CDH15: variants seen among roughly 807,000 people sequenced by gnomAD.
The protein encoded by CDH15 is cadherin-15.
In CDH15, 73 loss-of-function variants were observed where a neutral mutation model predicts 69.4. The ratio of observed to expected loss-of-function variants is 1.05; its 90% CI spans 0.87 to 1.28. CDH15 has a LOEUF of 1.28. Ranked by LOEUF, CDH15 falls within the 50% of genes most tolerant of loss-of-function variation. The pLI is 0.00. For missense variants in CDH15, 1,343 were observed against 1,133.6 expected, an observed-to-expected ratio of 1.18 and a Z score of -2.65; for synonymous variants, 624 against 507.7, an observed-to-expected ratio of 1.23 and a Z score of -3.08.
At chr16:89,181,443 C>T (rs1464434054) in intron 3 of CDH15, among the ~76,000 whole-genome samples, 5 of 151,966 alleles carry the variant, frequency 3.3e-5, no homozygotes, top group African/African-American at 7.3e-5. Flanking sequence ...GAGGCCTTGT[C>T]TCAACAAAAG....
chr16:89,189,326 C>T (rs908316739), intron 7 of CDH15, among the ~76,000 whole-genome samples: 1 of 136,742 alleles, frequency 7.3e-6, no homozygotes, highest in Non-Finnish European at 1.6e-5. Flanking sequence ...CACACACATG[C>T]CGGCACACAC....
In CDH15 at chr16:89,179,547, CA is replaced by C. The variant is rs1265848324; in HGVS notation, c.176del (p.Lys59SerfsTer62). ...CCCCGATCAGCGTATCCGAGAACCA[CA>C]AGCGTCTCCCCTACCCCCTGGTTCA... is the stretch of plus-strand genomic sequence containing the variant. ...IPPISVSENH[K>X]RLPYPLVQIK... On this transcript the variant is annotated frameshift_variant, in exon 2 of 14. Transcript: ENST00000289746. LOFTEE classifies it high-confidence loss of function. 10 of 1,607,256 alleles carry C rather than the reference CA, an allele frequency of 6.2e-6. No individual in the cohort carries two copies. The highest frequency in any genetic ancestry group is 8.5e-6 in the Non-Finnish European group (10 of 1,176,028).
chr16:89,187,305 T>TC, intron 5 of CDH15, 124 bp from the exon 6 acceptor site: 1 of 1,166,920 alleles, frequency 8.6e-7, no homozygotes, highest in Non-Finnish European at 1.2e-6. Flanking sequence ...CTTGGGGTCT[T>TC]CAACACCCAC....
chr16:89,177,352 G>T (rs566648233), intron 1 of CDH15, among the ~76,000 whole-genome samples: 1 of 152,184 alleles, frequency 6.6e-6, no homozygotes, highest in Non-Finnish European at 1.5e-5. Context: ...GGGGAACACA[G>T]CTCCTCACTT....
chr16:89,189,347 A>ACACAGATGCCGGCACC, intron 7 of CDH15, among the ~76,000 whole-genome samples: 1 of 149,870 alleles, frequency 6.7e-6, no homozygotes, highest in Non-Finnish European at 1.5e-5. Context: ...AGATGCCCAC[A>ACACAGATGCCGGCACC]CACAGATGCC....
In CDH15 at chr16:89,191,845, C is replaced by T. The variant is rs755877536; in HGVS notation, c.1566C>T (p.Ser522=). ...PHGAPFHFQL[S]PRLPELGRNW... ...GGGCCCCCTTCCACTTCCAGCTGAG[C>T]CCCAGGCTCCCAGAGCTCGGCCGGA... The change falls in exon 10 of 14, where the codon AGC becomes AGT. Residue 522 remains serine (S), a synonymous_variant. Transcript: ENST00000289746. The T allele has an allele frequency of 6.2e-7, 1 of 1,601,394 alleles. No individual in the cohort carries two copies. The highest frequency in any genetic ancestry group is 1.1e-5 in the South Asian group (1 of 90,542).
intron 1 of CDH15, among the ~76,000 whole-genome samples, chr16:89,177,222 C>T (rs1915276316): frequency 1.3e-5 from 2 of 152,052 alleles, no homozygotes; most frequent in African/African-American, 4.8e-5. Flanking sequence ...CCCCACAGCC[C>T]TGCAGTGGGG....
chr16:89,180,087 T>C lies in CDH15; in HGVS notation c.202-113T>C. On this transcript the variant is annotated intron_variant, in intron 2 of 13. Transcript: ENST00000289746. ...GGTACCAGGATCCGTCCTCCAGTCC[T>C]AGGAGACTTAGACCTGCCCTGCTGT... The C allele has an allele frequency of 2.5e-6, 3 of 1,182,574 alleles. No individual in the cohort carries two copies. In the South Asian group the frequency reaches 3.9e-5, roughly 15 times the overall value. 73.3% of individuals were successfully genotyped at this position (1,182,574 alleles called of 1,614,324 possible).
chr16:89,190,194 T>G (rs766531239), intron 7 of CDH15, 49 bp from the exon 8 acceptor site: 47 of 1,597,622 alleles, frequency 2.9e-5, no homozygotes, highest in Non-Finnish European at 3.9e-5. Flanking sequence ...TGCCCTCGGG[T>G]GCCCACACTT....
At chr16:89,187,742 T>C (rs1404898661) in intron 6 of CDH15, among the ~76,000 whole-genome samples, 185 bp downstream of exon 6, 1 of 152,118 alleles carries the variant, frequency 6.6e-6, no homozygotes, top group Admixed American at 6.5e-5. Flanking sequence ...TGGCAGTGTG[T>C]GAATGGAGTC....
Position 89,188,106 on chromosome 16 carries a change from A to C in CDH15, c.799A>C (p.Met267Leu). ...GCTGGGATCCCCCACCCAGTTCTTC[A>C]TGGAGGCCATAGAGGCCGTCAGCGG... ...APEFTRDEFF[M>L]EAIEAVSGVD... is the part of the protein sequence containing the mutation. Residue 267 changes from methionine to leucine, a missense_variant, in exon 7 of 14, where the codon ATG becomes CTG. Met to Leu is a conservative substitution (Grantham distance 15). Transcript: ENST00000289746. 1 of 1,611,080 alleles carries C rather than the reference A, an allele frequency of 6.2e-7. No homozygotes were observed. The highest frequency in any genetic ancestry group is 1.3e-5 in the African/African-American group (1 of 74,996).
In CDH15 at chr16:89,192,380, G is replaced by A. The variant is rs375071693; in HGVS notation, c.1791G>A (p.Ala597=). Residue 597 remains alanine (A), a synonymous_variant, in exon 11 of 14, where the codon GCG becomes GCA. Transcript: ENST00000289746. ...TGCCGGGGGCCGCAGCGCTGCTGGC[G>A]GGGGGCACAGGCCTCAGCCTGGGCG... ...VCLPGAAALL[A]GGTGLSLGAL... is the part of the protein sequence containing the mutation. 128 of 1,536,622 alleles carry A rather than the reference G, an allele frequency of 8.3e-5. No individual in the cohort carries two copies. The East Asian group carries it at 1.2e-3, about 14-fold the overall frequency.
intron 10 of CDH15, 142 bp downstream of exon 10, chr16:89,192,036 A>C (rs2151604354): frequency 6.4e-6 from 6 of 932,708 alleles, no homozygotes; most frequent in South Asian, 1.6e-5. Flanking sequence ...CCCCCCCACC[A>C]CTGCATCCTC....
intron 8 of CDH15, among the ~76,000 whole-genome samples, chr16:89,190,963 G>C (rs909473084): frequency 6.6e-6 from 1 of 151,920 alleles, no homozygotes; most frequent in Non-Finnish European, 1.5e-5. Flanking sequence ...GGTGACTGCA[G>C]CTCCCATCAT....
intron 8 of CDH15, among the ~76,000 whole-genome samples, chr16:89,191,076 G>A (rs1236781393): frequency 3.6e-5 from 5 of 138,592 alleles, no homozygotes; most frequent in Non-Finnish European, 7.8e-5. Flanking sequence ...TGTGCAAGGT[G>A]GGGGGGAGTG....
chr16:89,184,936 T>C (rs1224683428), intron 4 of CDH15, among the ~76,000 whole-genome samples: 1 of 152,126 alleles, frequency 6.6e-6, no homozygotes, highest in East Asian at 1.9e-4. Context: ...ACCACATAGG[T>C]GGCCTGGACA....
At position 89,191,379 on chromosome 16, in the gene CDH15, A is replaced by T. The variant is rs1207045518; in HGVS notation, c.1282A>T (p.Thr428Ser). ...AGACTGGCTGCAAGTGGACGCAGCC[A>T]CTGGCCGGATCCAGACCCAGCACGT... ...PEDWLQVDAA[T>S]GRIQTQHVLS... The change falls in exon 9 of 14, where the codon ACT becomes TCT. Residue 428 changes from threonine (T) to serine (S), a missense_variant. Thr to Ser is a moderately conservative substitution (Grantham distance 58, BLOSUM62 1). Transcript: ENST00000289746. 6.2e-7 allele frequency: 1 copy of T among 1,612,650 alleles called. No individual in the cohort carries two copies. The highest frequency in any genetic ancestry group is 8.5e-7 in the Non-Finnish European group (1 of 1,179,972).
Position 89,192,356 on chromosome 16 carries a change from GC to G in CDH15, c.1769del (p.Pro590ArgfsTer89), listed in dbSNP as rs1402033570. On this transcript the variant is annotated frameshift_variant, in exon 11 of 14. Coordinates refer to ENST00000289746, the MANE Select transcript of CDH15 (RefSeq NM_004933.3). LOFTEE classifies it high-confidence loss of function. ...CRCGKDGVCL[P>X]GAAALLAGGT... is the part of the protein sequence containing the mutation. ...GCTGCGGCAAGGACGGCGTCTGCCT[GC>G]CGGGGGCCGCAGCGCTGCTGGCGGG... 3.3e-6 allele frequency: 5 copies of G among 1,537,144 alleles called. No individual in the cohort carries two copies. The highest frequency in any genetic ancestry group is 4.4e-6 in the Non-Finnish European group (5 of 1,148,058).
rs757666255 is a variant in CDH15 at position 89,192,381 on chromosome 16, G to A, written c.1792G>A (p.Gly598Arg). ...CLPGAAALLA[G>R]GTGLSLGALV... is the part of the protein sequence containing the mutation. ...GCCGGGGGCCGCAGCGCTGCTGGCGGGGGGCACAGGCCTCAGCCTGGGCGC... is the reference window on the plus strand; with the variant it reads ...GCCGGGGGCCGCAGCGCTGCTGGCGAGGGGCACAGGCCTCAGCCTGGGCGC... Residue 598 changes from glycine to arginine, a missense_variant, in exon 11 of 14, where the codon GGG becomes AGG. Physicochemically the swap from Gly to Arg is moderately radical, Grantham distance 125 (BLOSUM62 -2). Coordinates refer to ENST00000289746, the MANE Select transcript of CDH15 (RefSeq NM_004933.3). 2.1e-5 allele frequency: 33 copies of A among 1,537,216 alleles called. 1 individual carries two copies. The highest frequency in any genetic ancestry group is 1.9e-4 in the African/African-American group (14 of 73,128).
Sources: gnomAD v4.1 joint callset for allele counts (sites outside exome capture counted in the v4.1 genomes callset) on GRCh38, gnomAD v4.1.1 for gene constraint, MANE v1.5 for transcripts, NCBI Gene and HGNC (gene_info 2026-07-23, HGNC 2026-07-21) for gene names.